Variants in ATXN1 observed in about 807,000 individuals in gnomAD.
ATXN1 encodes ataxin 1.
Under a neutral mutation model 56.4 loss-of-function variants are expected in ATXN1, and 8 were observed. That is an observed-to-expected ratio of 0.14 (90% confidence interval 0.08 to 0.26). The LOEUF (loss-of-function observed/expected upper bound fraction) is 0.26, where lower values mean the gene tolerates loss of function less well. Ranked by LOEUF, ATXN1 falls within the 10% of genes least tolerant of loss-of-function variation. The pLI, the probability that ATXN1 is intolerant of heterozygous loss-of-function variation, is 1.00. For synonymous variants in ATXN1, 514 were observed against 494.6 expected (o/e 1.04, Z -0.52); for missense variants, 987 against 1,106.5 (o/e 0.89, Z 1.53).
At chr6:16,753,459 G>A in intron 1 of ATXN1, 112 bp from the exon 2 acceptor site, 1 of 414,784 alleles carries the variant, frequency 2.4e-6, no homozygotes, top group Non-Finnish European at 4.9e-6. Context: ...CAAATTTTAA[G>A]AACATCACAT....
At chr6:16,683,218 C>A (rs1254522792) in intron 2 of ATXN1, among the ~76,000 whole-genome samples, 2 of 152,226 alleles carry the variant, frequency 1.3e-5, no homozygotes, top group South Asian at 2.1e-4. Flanking sequence ...ATATGTCAGT[C>A]TAGCTTAGAG....
chr6:16,489,338 C>A (rs1445453199), intron 5 of ATXN1, among the ~76,000 whole-genome samples: 3 of 152,214 alleles, frequency 2.0e-5, no homozygotes, highest in Non-Finnish European at 1.5e-5. Flanking sequence ...TCACCTTTCT[C>A]TGTCTTCCAG....
chr6:16,491,280 T>TTATTATTATTA (rs1561723448), intron 5 of ATXN1, among the ~76,000 whole-genome samples: 5 of 110,816 alleles, frequency 4.5e-5, no homozygotes, highest in African/African-American at 2.2e-4. Flanking sequence ...TATTATTATT[T>TTATTATTATTA]TTTTTTTTTT....
chr6:16,421,069 T>C (rs913466032), intron 6 of ATXN1, among the ~76,000 whole-genome samples: 1 of 152,222 alleles, frequency 6.6e-6, no homozygotes, highest in African/African-American at 2.4e-5. Flanking sequence ...CATGAAACCA[T>C]GAGGTGCCCA....
intron 2 of ATXN1, among the ~76,000 whole-genome samples, chr6:16,689,521 C>CTTTTTTTTTTTTTTTTTT (rs11374047): frequency 3.8e-5 from 4 of 105,208 alleles, no homozygotes; most frequent in African/African-American, 1.1e-4. Flanking sequence ...TTTTTTTTTT[C>CTTTTTTTTTTTTTTTTTT]TTTTTTTTTT....
chr6:16,387,003 T>C lies in ATXN1; in HGVS notation c.-160-58533A>G, dbSNP rs1049604911. Among the ~76,000 whole-genome samples the C allele has an allele frequency of 2.0e-5, 3 of 152,166 alleles. No homozygotes were observed. In the East Asian group the frequency reaches 5.8e-4, roughly 29 times the overall value. On this transcript the variant is annotated intron_variant, in intron 6 of 7. Transcript: ENST00000436367. ...ATATCATTTTTACTCCCAGGGCTAC[T>C]ATTTCTTTGAGGACAAGGACTGTGT...
chr6:16,617,761 T>C (rs1467251261), intron 3 of ATXN1, among the ~76,000 whole-genome samples: 3 of 29,680 alleles, frequency 1.0e-4, no homozygotes, highest in Non-Finnish European at 1.6e-4. Context: ...AGAGAAACTC[T>C]GTCTCAAAAA....
intron 3 of ATXN1, among the ~76,000 whole-genome samples, chr6:16,643,479 A>C (rs1763743916): frequency 6.6e-6 from 1 of 151,824 alleles, no homozygotes; most frequent in Non-Finnish European, 1.5e-5. Flanking sequence ...AAATACAAAA[A>C]TTAGCCAGGT....
At chr6:16,383,398 T>C (rs1384849534) in intron 6 of ATXN1, among the ~76,000 whole-genome samples, 15 of 152,200 alleles carry the variant, frequency 9.9e-5, no homozygotes, top group Admixed American at 9.8e-4. Flanking sequence ...TTTCCTTCTT[T>C]TCAAACTATA....
chr6:16,388,347 G>T (rs1758283263), intron 6 of ATXN1, among the ~76,000 whole-genome samples: 1 of 152,186 alleles, frequency 6.6e-6, no homozygotes. Flanking sequence ...TCCTGAGAGT[G>T]ATTCTTCACA....
At chr6:16,675,552 T>C (rs554392640) in intron 2 of ATXN1, among the ~76,000 whole-genome samples, 3 of 152,072 alleles carry the variant, frequency 2.0e-5, no homozygotes, top group Admixed American at 2.0e-4. Flanking sequence ...AGGGAAAGTT[T>C]TTTCAGGGAG....
chr6:16,478,102 A>G (rs1040449552), intron 6 of ATXN1, among the ~76,000 whole-genome samples: 1 of 152,170 alleles, frequency 6.6e-6, no homozygotes, highest in Non-Finnish European at 1.5e-5. Flanking sequence ...AGGAACCTGG[A>G]TTATAAACGC....
intron 6 of ATXN1, among the ~76,000 whole-genome samples, chr6:16,375,554 C>G (rs1320014236): frequency 6.6e-6 from 1 of 152,216 alleles, no homozygotes; most frequent in Non-Finnish European, 1.5e-5. Context: ...TCTGGGGGAC[C>G]TAGATGGAAC....
chr6:16,545,632 G>A (rs1034481416), intron 4 of ATXN1, among the ~76,000 whole-genome samples: 1 of 152,180 alleles, frequency 6.6e-6, no homozygotes, highest in Admixed American at 6.5e-5. Context: ...TGGTTGACAT[G>A]GACCGAGAGC....
At chr6:16,582,654 C>G (rs539010262) in intron 4 of ATXN1, among the ~76,000 whole-genome samples, 6 of 152,306 alleles carry the variant, frequency 3.9e-5, no homozygotes, top group Non-Finnish European at 8.8e-5. Context: ...CCAAAAACTG[C>G]TGACCACAGA....
rs968565273 is a variant in ATXN1, at chr6:16,327,574, T to C, written c.737A>G (p.Gln246Arg). Residue 246 changes from glutamine (Q) to arginine (R), a missense_variant, in exon 7 of 8, where the codon CAG (glutamine) becomes CGG (arginine). Physicochemically the swap from Gln to Arg is conservative, Grantham distance 43 (BLOSUM62 1). This residue lies in a region of ATXN1 where 723 missense variants were observed against 791.7 expected (regional missense o/e 0.91). Coordinates refer to ENST00000436367, the MANE Select transcript of ATXN1 (RefSeq NM_001128164.2). Reference protein sequence around the residue: ...PGSPPPAQQNQYVHISSSPQN... With the variant: ...PGSPPPAQQNRYVHISSSPQN... ...CGGAGAACTGGAAATGTGGACGTAC[T>C]GGTTCTGCTGGGCTGGTGGGGGGGA... The C allele has an allele frequency of 1.2e-6, 2 of 1,600,874 alleles. No individual in the cohort carries two copies. Among genetic ancestry groups the C allele is most frequent in the Middle Eastern group, 1.7e-4 (1 of 6,040 alleles).
At chr6:16,619,813 G>A (rs1455642765) in intron 3 of ATXN1, among the ~76,000 whole-genome samples, 1 of 151,768 alleles carries the variant, frequency 6.6e-6, no homozygotes, top group Non-Finnish European at 1.5e-5. Flanking sequence ...GAGGCTGAGG[G>A]GCAAGGATCG....
At chr6:16,315,435 C>T (rs1442979152) in intron 7 of ATXN1, among the ~76,000 whole-genome samples, 3 of 152,170 alleles carry the variant, frequency 2.0e-5, no homozygotes, top group African/African-American at 4.8e-5. Context: ...TCGGTCACCA[C>T]ATGCAAGCCT....
intron 2 of ATXN1, among the ~76,000 whole-genome samples, chr6:16,658,818 C>A (rs932057118): frequency 1.3e-5 from 2 of 152,220 alleles, no homozygotes; most frequent in Non-Finnish European, 2.9e-5. Flanking sequence ...CATCGGCTGA[C>A]TGTCATCCAG....
Sources: gnomAD v4.1 joint callset for allele counts (sites outside exome capture counted in the v4.1 genomes callset) on GRCh38, gnomAD v4.1.1 for gene constraint, gnomAD v4.1.1 regional missense constraint, MANE v1.5 for transcripts, NCBI Gene and HGNC (gene_info 2026-07-23, HGNC 2026-07-21) for gene names.